The following MCF2L variants were observed in gnomAD, a reference collection of about 807,000 sequenced individuals.
MCF2L encodes guanine nucleotide exchange factor DBS.
A neutral mutation model predicts 153.4 loss-of-function variants in MCF2L; 97 were observed. The ratio of observed to expected loss-of-function variants is 0.63; its 90% CI spans 0.54 to 0.75. The LOEUF is 0.75. Among genes scored for constraint, MCF2L ranks in the 30% least tolerant of loss-of-function variants. The probability of loss-of-function intolerance (pLI) is 0.00; values close to 1 mark genes in which losing one functional copy is unlikely to be tolerated. For synonymous variants in MCF2L, 659 were observed against 632.2 expected, an observed-to-expected ratio of 1.04 and a Z score of -0.64; for missense variants, 1,347 against 1,495.2, an observed-to-expected ratio of 0.90 and a Z score of 1.64.
chr13:112,973,780 A>G (rs2082129565), intron 1 of MCF2L, among the ~76,000 whole-genome samples: 1 of 152,184 alleles, frequency 6.6e-6, no homozygotes, highest in East Asian at 1.9e-4. Context: ...CCGTGGCTCC[A>G]GGGGCTGGCG....
chr13:113,045,571 A>G lies in MCF2L; in HGVS notation c.369+210A>G. On this transcript the variant is annotated intron_variant, in intron 4 of 29. Transcript: ENST00000535094. The surrounding 1 kb of genome is among the most constrained non-coding windows in gnomAD (Gnocchi z 4.2). ...GGTGTGAGTTTTCCCAGATGAAGGA[A>G]CTCTTAGGGAGCCCAATGTGACTTG... 1 of 585,144 alleles carries G rather than the reference A, an allele frequency of 1.7e-6. No individual in the cohort carries two copies. The highest frequency in any genetic ancestry group is 1.9e-5 in the African/African-American group (1 of 53,696). 36.2% of individuals were successfully genotyped at this position (585,144 alleles called of 1,614,324 possible).
At chr13:112,934,962 C>A (rs2081500552) in intron 2 of MCF2L, among the ~76,000 whole-genome samples, 2 of 152,314 alleles carry the variant, frequency 1.3e-5, no homozygotes, top group South Asian at 4.1e-4. Flanking sequence ...CAAATAAATA[C>A]TTTAGAAAAT....
intron 17 of MCF2L, among the ~76,000 whole-genome samples, chr13:113,082,988 G>A (rs554150148): frequency 2.6e-5 from 4 of 152,312 alleles, no homozygotes; most frequent in South Asian, 2.1e-4. Flanking sequence ...TGAAAAGGAC[G>A]GCAAACTAGG....
chr13:113,065,686 G>A (rs575057286), intron 7 of MCF2L, among the ~76,000 whole-genome samples: 1 of 152,360 alleles, frequency 6.6e-6, no homozygotes, highest in South Asian at 2.1e-4. Flanking sequence ...TGACCTGCTG[G>A]TGTGTCCCCG....
chr13:113,051,077 C>A (rs1365490468), intron 4 of MCF2L, among the ~76,000 whole-genome samples: 1 of 152,202 alleles, frequency 6.6e-6, no homozygotes, highest in Admixed American at 6.5e-5. Flanking sequence ...CAGAACACCG[C>A]TGCTGTGTGC....
At chr13:113,007,763 G>A (rs1044721303) in intron 1 of MCF2L, among the ~76,000 whole-genome samples, 21 of 152,168 alleles carry the variant, frequency 1.4e-4, no homozygotes, top group East Asian at 1.3e-3. Flanking sequence ...GCTCTGTGTC[G>A]TAAGGATCAG....
At chr13:112,972,642 G>T (rs1363888170) in intron 1 of MCF2L, among the ~76,000 whole-genome samples, 1 of 146,288 alleles carries the variant, frequency 6.8e-6, no homozygotes, top group Non-Finnish European at 1.5e-5. Flanking sequence ...GAATGAGTTG[G>T]TAGATAGATG....
chr13:113,048,717 C>T (rs2086998682), intron 4 of MCF2L, among the ~76,000 whole-genome samples: 1 of 152,204 alleles, frequency 6.6e-6, no homozygotes, highest in Non-Finnish European at 1.5e-5. Flanking sequence ...GCTGGGATTA[C>T]AGGTGTGAGC....
At chr13:113,078,583 G>A (rs771729946) in intron 14 of MCF2L, 83 bp from the exon 15 acceptor site, 63 of 1,435,200 alleles carry the variant, frequency 4.4e-5, no homozygotes, top group Middle Eastern at 1.7e-4. Flanking sequence ...GTCCCCATAC[G>A]GGAACTGGTG....
chr13:113,057,516 A>G (rs1159252661), intron 4 of MCF2L, among the ~76,000 whole-genome samples: 1 of 104,156 alleles, frequency 9.6e-6, no homozygotes, highest in African/African-American at 3.9e-5. Context: ...TTGGGTGCTG[A>G]GTGTTTGGGT....
intron 1 of MCF2L, among the ~76,000 whole-genome samples, chr13:112,995,547 G>A (rs1240888955): frequency 1.3e-5 from 2 of 152,196 alleles, no homozygotes; most frequent in Non-Finnish European, 2.9e-5. Context: ...GCTGGCGGCC[G>A]AGGTGGGGTC....
intron 3 of MCF2L, among the ~76,000 whole-genome samples, chr13:113,033,229 C>A (rs1439521417): frequency 1.3e-4 from 17 of 126,430 alleles, no homozygotes; most frequent in East Asian, 2.2e-4. Context: ...GAGTGGCCCC[C>A]GTGACGTGAG....
At chr13:113,008,213 C>T (rs114537697) in intron 1 of MCF2L, among the ~76,000 whole-genome samples, 2,262 of 152,292 alleles carry the variant, frequency 0.015, 57 homozygotes, top group African/African-American at 0.051. Context: ...CCACTGTGCC[C>T]GGCCAAGTAC....
intron 1 of MCF2L, among the ~76,000 whole-genome samples, chr13:113,011,586 G>T (rs1026158509): frequency 6.7e-6 from 1 of 149,316 alleles, no homozygotes; most frequent in Non-Finnish European, 1.5e-5. Flanking sequence ...TGGACAGGTG[G>T]TGTGGACGGT....
At chr13:113,090,129 G>A in intron 26 of MCF2L, 6 of 1,544,926 alleles carry the variant, frequency 3.9e-6, no homozygotes, top group Non-Finnish European at 5.2e-6. Context: ...GCTTTACCCT[G>A]CAGGGTTTTG....
At position 112,902,162 on chromosome 13, in the gene MCF2L, A is replaced by G. The variant is rs766337979; in HGVS notation, c.-4-37A>G. 1.7e-5 allele frequency: 26 copies of G among 1,572,802 alleles called. No homozygotes were observed. In the East Asian group the frequency reaches 5.4e-4, roughly 33 times the overall value. On this transcript the variant is annotated intron_variant, in intron 1 of 29. Coordinates refer to the MCF2L transcript ENST00000375608. ...AACAGTTCTTAAGTCTTTCTGCAGC[A>G]TGACCTCATCGTGCTTTTAAAATCT... is the stretch of plus-strand genomic sequence containing the variant.
chr13:113,023,731 C>CG (rs1269469817), intron 2 of MCF2L, among the ~76,000 whole-genome samples: 2 of 152,240 alleles, frequency 1.3e-5, no homozygotes, highest in African/African-American at 4.8e-5. Flanking sequence ...CTTCACTCCA[C>CG]GCACGGGGCA....
At chr13:113,079,234 A>G (rs1387446405) in intron 15 of MCF2L, among the ~76,000 whole-genome samples, 1 of 152,216 alleles carries the variant, frequency 6.6e-6, no homozygotes, top group East Asian at 1.9e-4. Context: ...GTGTTGTGCA[A>G]ACAAAAGCAG....
intron 1 of MCF2L, among the ~76,000 whole-genome samples, chr13:112,900,258 G>A (rs1330470573): frequency 6.6e-6 from 1 of 152,158 alleles, no homozygotes; most frequent in Non-Finnish European, 1.5e-5. Flanking sequence ...CTTTAGACCT[G>A]CGCCAGGTTG....
Sources: allele counts gnomAD v4.1 joint callset (sites outside exome capture counted in the v4.1 genomes callset), GRCh38; gene constraint gnomAD v4.1.1; non-coding constraint Gnocchi (gnomAD v3.1); transcripts MANE v1.5; gene names NCBI Gene and HGNC (gene_info 2026-07-23, HGNC 2026-07-21).